ATRNL1: variants seen among roughly 807,000 people sequenced by gnomAD.
ATRNL1 encodes attractin like 1, also known as attractin-like protein 1.
A neutral mutation model predicts 182.7 loss-of-function variants in ATRNL1; 95 were observed. The observed-to-expected ratio is 0.52, with a 90% CI of 0.44 to 0.62. The LOEUF is 0.62. Ranked by LOEUF, ATRNL1 falls within the 20% of genes least tolerant of loss-of-function variation. The probability of loss-of-function intolerance (pLI) is 0.00; values close to 1 mark genes in which losing one functional copy is unlikely to be tolerated. For synonymous variants in ATRNL1, 576 were observed against 568.3 expected, an observed-to-expected ratio of 1.01 and a Z score of -0.19; for missense variants, 1,471 against 1,679.5, an observed-to-expected ratio of 0.88 and a Z score of 2.17.
At chr10:115,256,098 C>CATCAGGGATATTGGTCTAAAATTCTG (rs1564855699) in intron 10 of ATRNL1, among the ~76,000 whole-genome samples, 5 of 152,182 alleles carry the variant, frequency 3.3e-5, no homozygotes, top group African/African-American at 1.2e-4. Context: ...CTAAAATTCT[C>CATCAGGGATATTGGTCTAAAATTCTG]TTTTTTTGTT....
intron 27 of ATRNL1, among the ~76,000 whole-genome samples, chr10:115,770,016 C>G (rs1948948807): frequency 6.6e-6 from 1 of 152,030 alleles, no homozygotes; most frequent in Non-Finnish European, 1.5e-5. Context: ...AAGTCCCTTC[C>G]AAACTGACAC....
At chr10:115,358,989 C>A (rs1494172) in intron 19 of ATRNL1, among the ~76,000 whole-genome samples, 148,441 of 151,654 alleles carry the variant, frequency 0.98, 72,725 homozygotes, top group Middle Eastern at 1. Flanking sequence ...CCACTCCTCC[C>A]TATAAACCCA....
At chr10:115,559,252 A>C (rs185005784) in intron 26 of ATRNL1, among the ~76,000 whole-genome samples, 1 of 152,346 alleles carries the variant, frequency 6.6e-6, no homozygotes, top group African/African-American at 2.4e-5. Flanking sequence ...AAATAAACCT[A>C]TAGCAAGCAC....
At chr10:115,339,154 G>A (rs1855625405) in intron 19 of ATRNL1, among the ~76,000 whole-genome samples, 1 of 152,080 alleles carries the variant, frequency 6.6e-6, no homozygotes. Context: ...GTCAGGTAAT[G>A]TCATTCCTTC....
intron 9 of ATRNL1, among the ~76,000 whole-genome samples, chr10:115,216,741 T>G (rs1554896354): frequency 6.6e-6 from 1 of 152,020 alleles, no homozygotes; most frequent in East Asian, 1.9e-4. Flanking sequence ...TAAGTTACTT[T>G]ATGTGATCAA....
intron 26 of ATRNL1, chr10:115,597,667 G>C (rs1555014537): frequency 2.2e-6 from 1 of 448,466 alleles, no homozygotes; most frequent in Non-Finnish European, 4.5e-6. Context: ...CCGCATCCTG[G>C]GTCAAGCAAT....
At chr10:115,495,095 C>T (rs143425104) in intron 24 of ATRNL1, among the ~76,000 whole-genome samples, 6 of 151,738 alleles carry the variant, frequency 4.0e-5, no homozygotes, top group African/African-American at 1.4e-4. Flanking sequence ...TTTATTTCTT[C>T]TAGGTTTTCT....
chr10:115,244,227 G>T (rs1462410677), intron 10 of ATRNL1, among the ~76,000 whole-genome samples: 2 of 151,550 alleles, frequency 1.3e-5, no homozygotes, highest in East Asian at 1.9e-4. Flanking sequence ...ATTTAAACAG[G>T]AATATTTGTA....
intron 25 of ATRNL1, among the ~76,000 whole-genome samples, chr10:115,529,978 C>T (rs958154045): frequency 2.0e-5 from 3 of 152,114 alleles, no homozygotes; most frequent in South Asian, 2.1e-4. Flanking sequence ...TAAATGGAAT[C>T]GTACAATATG....
At chr10:115,739,058 T>C (rs1172739413) in intron 27 of ATRNL1, among the ~76,000 whole-genome samples, 1 of 152,130 alleles carries the variant, frequency 6.6e-6, no homozygotes, top group Non-Finnish European at 1.5e-5. Context: ...TCTTAAATCA[T>C]TTAAGATGAA....
At chr10:115,769,061 G>T (rs1948925209) in intron 27 of ATRNL1, among the ~76,000 whole-genome samples, 2 of 151,966 alleles carry the variant, frequency 1.3e-5, no homozygotes, top group African/African-American at 4.8e-5. Context: ...CAATAAAAAA[G>T]GAATTAACCA....
intron 25 of ATRNL1, among the ~76,000 whole-genome samples, chr10:115,535,676 G>A (rs1160942621): frequency 6.6e-6 from 1 of 152,158 alleles, no homozygotes; most frequent in Non-Finnish European, 1.5e-5. Flanking sequence ...TGGAGGAGGG[G>A]AGGTGCTCTG....
intron 26 of ATRNL1, among the ~76,000 whole-genome samples, chr10:115,648,619 G>T (rs1555033435): frequency 6.6e-6 from 1 of 152,086 alleles, no homozygotes; most frequent in African/African-American, 2.4e-5. Context: ...ATAGACCAAC[G>T]AAATGGAACA....
rs567080896 is a variant in ATRNL1, at chr10:115,545,767, C to G, written c.3717-3691C>G. On this transcript the variant is annotated intron_variant, in intron 25 of 28. Coordinates refer to ENST00000355044, the MANE Select transcript of ATRNL1 (RefSeq NM_207303.4). The stretch of plus-strand genomic sequence containing the variant: ...AATATAAGTAACTTTTCTATATACA[C>G]TATTATTTGCTACGACAGATTTTCT... Among the ~76,000 whole-genome samples, 62 of 152,262 alleles carry G rather than the reference C, an allele frequency of 4.1e-4. 1 individual carries two copies. The South Asian group carries it at 0.013, about 31-fold the overall frequency.
chr10:115,288,403 A>T (rs1451653115), intron 15 of ATRNL1, among the ~76,000 whole-genome samples: 1 of 151,922 alleles, frequency 6.6e-6, no homozygotes, highest in African/African-American at 2.4e-5. Context: ...TGACTTTTTG[A>T]TAATAGACAT....
At chr10:115,458,908 G>T (rs1424000374) in intron 21 of ATRNL1, among the ~76,000 whole-genome samples, 4 of 152,134 alleles carry the variant, frequency 2.6e-5, no homozygotes, top group Admixed American at 6.6e-5. Flanking sequence ...GTTGTGGGAA[G>T]TCAGGGACCC....
chr10:115,259,464 A>G (rs1851304116), intron 10 of ATRNL1, among the ~76,000 whole-genome samples: 1 of 152,108 alleles, frequency 6.6e-6, no homozygotes. Context: ...GATTGCTAAA[A>G]CTTTGGGAAA....
At chr10:115,710,962 T>C (rs1555054365) in intron 26 of ATRNL1, among the ~76,000 whole-genome samples, 1 of 152,112 alleles carries the variant, frequency 6.6e-6, no homozygotes, top group African/African-American at 2.4e-5. Flanking sequence ...TATCTTAACT[T>C]TGTAATGGCA....
intron 19 of ATRNL1, among the ~76,000 whole-genome samples, chr10:115,384,485 A>G (rs1372648760): frequency 1.3e-5 from 2 of 151,934 alleles, no homozygotes; most frequent in African/African-American, 2.4e-5. Context: ...TTTATGGGCC[A>G]TTCGGTCTGT....
Sources: allele counts gnomAD v4.1 joint callset (sites outside exome capture counted in the v4.1 genomes callset), GRCh38; gene constraint gnomAD v4.1.1; transcripts MANE v1.5; gene names NCBI Gene and HGNC (gene_info 2026-07-23, HGNC 2026-07-21).